The following TEX11 variants were observed in gnomAD, a reference collection of about 807,000 sequenced individuals.
TEX11 encodes testis-expressed protein 11.
In TEX11, 7 loss-of-function variants were observed where a neutral mutation model predicts 84.4. The ratio of observed to expected loss-of-function variants is 0.08; its 90% CI spans 0.05 to 0.16. TEX11 has a LOEUF of 0.16. Among genes scored for constraint, TEX11 ranks in the 10% least tolerant of loss-of-function variants. The pLI, the probability that TEX11 is intolerant of heterozygous loss-of-function variation, is 1.00. For missense variants in TEX11, 551 were observed against 660.5 expected (o/e 0.83, Z 1.82); for synonymous variants, 264 against 222.8 (o/e 1.18, Z -1.64).
At chrX:70,853,645 T>A (rs1410343276) in intron 5 of TEX11, among the ~76,000 whole-genome samples, 3 of 112,696 alleles carry the variant, frequency 2.7e-5, no homozygotes, top group African/African-American at 9.7e-5. Context: ...ATGCTTCACA[T>A]ACTTGAAGAA....
chrX:70,751,470 C>T (rs1318344163), intron 9 of TEX11, among the ~76,000 whole-genome samples: 1 of 77,678 alleles, frequency 1.3e-5, no homozygotes, highest in Non-Finnish European at 2.3e-5. Context: ...GCATCACACA[C>T]CAGGGCCTGT....
intron 2 of TEX11, among the ~76,000 whole-genome samples, chrX:70,894,530 G>C (rs1234622537): frequency 9.1e-6 from 1 of 109,895 alleles, no homozygotes; most frequent in Non-Finnish European, 1.9e-5. Flanking sequence ...GGAGGCTGAG[G>C]CAGGAGAATC....
intron 7 of TEX11, among the ~76,000 whole-genome samples, chrX:70,843,192 C>G (rs2147843856): frequency 8.9e-6 from 1 of 111,902 alleles, no homozygotes; most frequent in Non-Finnish European, 1.9e-5. Flanking sequence ...GCCAGAAGAA[C>G]AAAGCTGGAG....
intron 28 of TEX11, among the ~76,000 whole-genome samples, chrX:70,531,294 C>T (rs2087885429): frequency 1.8e-5 from 2 of 111,325 alleles, no homozygotes; most frequent in Admixed American, 9.6e-5. Context: ...ATGCCACCTC[C>T]TCAGTGAGGA....
At chrX:70,679,868 G>A (rs1245494972) in intron 14 of TEX11, among the ~76,000 whole-genome samples, 16 of 93,980 alleles carry the variant, frequency 1.7e-4, no homozygotes, top group African/African-American at 5.4e-4. Context: ...CGCCCCGTCC[G>A]GGAGGTGAGG....
chrX:70,844,724 G>A lies in TEX11; in HGVS notation c.525+8310C>T, dbSNP rs371386768. Among the ~76,000 whole-genome samples, 8 of 110,980 alleles carry A rather than the reference G, an allele frequency of 7.2e-5. No homozygotes were observed. The East Asian group carries it at 1.4e-3, about 20-fold the overall frequency. ...AACTTGAGGCCAGGAGCTCGAGACCGGCCTGGCCAACATGGGGAAACCCCC... is the reference window on the plus strand; with the variant it reads ...AACTTGAGGCCAGGAGCTCGAGACCAGCCTGGCCAACATGGGGAAACCCCC... On this transcript the variant is annotated intron_variant, in intron 7 of 29. Transcript: ENST00000374333.
chrX:70,908,151 C>T (rs2091844476), intron 1 of TEX11, among the ~76,000 whole-genome samples: 1 of 111,701 alleles, frequency 9.0e-6, no homozygotes, highest in South Asian at 3.8e-4. Flanking sequence ...ACTCACGGTC[C>T]TTTTTCCCGC....
Position 70,853,070 on chromosome X carries a change from A to C in TEX11, c.489T>G (p.Ser163Arg). 8.3e-7 allele frequency: 1 copy of C among 1,208,682 alleles called. No individual in the cohort carries two copies. The highest frequency in any genetic ancestry group is 1.1e-6 in the Non-Finnish European group (1 of 893,811). Residue 163 changes from serine to arginine, a missense_variant, in exon 7 of 30, where the codon AGT (serine) becomes AGG (arginine). Physicochemically the swap from Ser to Arg is moderately radical, Grantham distance 110. Coordinates refer to ENST00000374333, the MANE Select transcript of TEX11 (RefSeq NM_031276.3). ...DLTMEKITVE[S>R]DHFRVLSYQA... ...GGTAAGAAAGCACTCTGAAGTGGTC[A>C]CTCTCAACAGTAATCTTCTCCATGG...
intron 28 of TEX11, among the ~76,000 whole-genome samples, chrX:70,531,886 G>A (rs2087892883): frequency 1.8e-5 from 2 of 111,838 alleles, no homozygotes; most frequent in Admixed American, 1.9e-4. Flanking sequence ...CAGAATAAAT[G>A]AAGACTTGGA....
At chrX:70,741,991 A>G (rs1014041975) in intron 10 of TEX11, among the ~76,000 whole-genome samples, 3 of 111,914 alleles carry the variant, frequency 2.7e-5, no homozygotes, top group African/African-American at 9.7e-5. Flanking sequence ...AGAAAAGTAT[A>G]AAAATCTCAA....
chrX:70,661,622 C>T (rs2089928151), intron 16 of TEX11, among the ~76,000 whole-genome samples: 1 of 111,794 alleles, frequency 8.9e-6, no homozygotes, highest in Admixed American at 9.4e-5. Flanking sequence ...GGGAGGCACC[C>T]CCCAGTAGGG....
chrX:70,519,795 T>G, the TEX11 span, among the ~76,000 whole-genome samples: 1 of 112,013 alleles, frequency 8.9e-6, no homozygotes, highest in Non-Finnish European at 1.9e-5. Context: ...CCCATATTTC[T>G]TGGAGGATTT....
intron 9 of TEX11, among the ~76,000 whole-genome samples, chrX:70,781,039 G>A (rs2091035697): frequency 8.9e-6 from 1 of 112,157 alleles, no homozygotes; most frequent in South Asian, 3.7e-4. Context: ...GCCTAAATGT[G>A]AGACACCTCC....
At chrX:70,671,910 T>TATATATAC (rs57166359) in intron 15 of TEX11, among the ~76,000 whole-genome samples, 2,704 of 67,520 alleles carry the variant, frequency 0.04, 97 homozygotes, top group Non-Finnish European at 0.062. Context: ...TATATATATA[T>TATATATAC]ACACACACAC....
rs944035957 is a variant in TEX11 at position 70,764,285 on chromosome X, A to G, written c.693-20066T>C. On this transcript the variant is annotated intron_variant, in intron 9 of 29. Coordinates refer to ENST00000374333, the MANE Select transcript of TEX11 (RefSeq NM_031276.3). ...GCTGAAAATTTTCTGGAAACAAATA[A>G]TGGAAACATCACATACCAAAATGTA... Among the ~76,000 whole-genome samples, 6 of 111,947 alleles carry G rather than the reference A, an allele frequency of 5.4e-5. No individual in the cohort carries two copies. The Admixed American group carries it at 5.7e-4, about 11-fold the overall frequency.
intron 9 of TEX11, among the ~76,000 whole-genome samples, chrX:70,767,691 C>T (rs2090949090): frequency 8.9e-6 from 1 of 111,890 alleles, no homozygotes; most frequent in Non-Finnish European, 1.9e-5. Context: ...TGTTGCAGCA[C>T]TGTTCACAAT....
chrX:70,568,370 C>A (rs1026858075), intron 25 of TEX11, among the ~76,000 whole-genome samples: 1 of 110,773 alleles, frequency 9.0e-6, no homozygotes, highest in Non-Finnish European at 1.9e-5. Flanking sequence ...ATTTGCCAGT[C>A]TGTGTCTTTT....
chrX:70,870,366 T>G lies in TEX11; in HGVS notation c.244+2857A>C, dbSNP rs771703646. Among the ~76,000 whole-genome samples, 4 of 111,065 alleles carry G rather than the reference T, an allele frequency of 3.6e-5. No individual in the cohort carries two copies. In the East Asian group the frequency reaches 1.1e-3, roughly 32 times the overall value. On this transcript the variant is annotated intron_variant, in intron 4 of 29. Coordinates refer to ENST00000374333, the MANE Select transcript of TEX11 (RefSeq NM_031276.3). ...TTTTTGTTTTTATGAGAGGGAGTCT[T>G]GCTCTGTTGCCCAGGCTGGAGTGCA...
chrX:70,517,573 C>T, the TEX11 span, among the ~76,000 whole-genome samples: 2 of 111,128 alleles, frequency 1.8e-5, no homozygotes, highest in African/African-American at 3.3e-5. Flanking sequence ...GGATATTGGT[C>T]TAAAATTCTC....
Sources: gnomAD v4.1 joint callset for allele counts (sites outside exome capture counted in the v4.1 genomes callset) on GRCh38, gnomAD v4.1.1 for gene constraint, MANE v1.5 for transcripts, NCBI Gene and HGNC (gene_info 2026-07-23, HGNC 2026-07-21) for gene names.